The following SGK1 variants were observed in gnomAD, a reference collection of about 807,000 sequenced individuals.
SGK1 encodes serine/threonine-protein kinase Sgk1.
In SGK1, 26 loss-of-function variants were observed where a neutral mutation model predicts 64.2. That is an observed-to-expected ratio of 0.40 (90% confidence interval 0.30 to 0.56). SGK1 has a LOEUF of 0.56. Ranked by LOEUF, SGK1 falls within the 20% of genes least tolerant of loss-of-function variation. SGK1 has a pLI of 0.38. For synonymous variants in SGK1, 265 were observed against 239.7 expected (o/e 1.11, Z -0.98); for missense variants, 519 against 645.6 (o/e 0.80, Z 2.12).
intron 1 of SGK1, among the ~76,000 whole-genome samples, chr6:134,290,580 G>T (rs1269870059): frequency 6.6e-6 from 1 of 152,056 alleles, no homozygotes; most frequent in Non-Finnish European, 1.5e-5. Context: ...AATGAAGAGT[G>T]TAGTTCACAG....
At chr6:134,285,370 C>T (rs991080711) in intron 1 of SGK1, among the ~76,000 whole-genome samples, 1 of 151,160 alleles carries the variant, frequency 6.6e-6, no homozygotes, top group Non-Finnish European at 1.5e-5. Flanking sequence ...CCCAGCTACT[C>T]AGGAGGCTGA....
intron 1 of SGK1, among the ~76,000 whole-genome samples, chr6:134,273,020 A>T (rs1174672758): frequency 6.7e-6 from 1 of 148,310 alleles, no homozygotes; most frequent in Non-Finnish European, 1.5e-5. Flanking sequence ...AGAGGGGCTG[A>T]TACATGAGAC....
intron 1 of SGK1, among the ~76,000 whole-genome samples, chr6:134,295,657 C>T (rs1360713944): frequency 1.3e-5 from 2 of 150,470 alleles, no homozygotes; most frequent in Non-Finnish European, 2.9e-5. Flanking sequence ...GAGCTGAGAT[C>T]GTGCCACTGC....
At chr6:134,175,784 A>C (rs560367595) in intron 3 of SGK1, 3 of 1,337,706 alleles carry the variant, frequency 2.2e-6, no homozygotes, top group Non-Finnish European at 2.9e-6. Context: ...AAACAAACAA[A>C]TGGCCCTTGT....
intron 11 of SGK1, 117 bp from the exon 12 acceptor site, chr6:134,171,295 CCCA>C: frequency 1.0e-6 from 1 of 957,028 alleles, no homozygotes; most frequent in Middle Eastern, 2.2e-4. Flanking sequence ...AGAAACTCTC[CCCA>C]CCTCAATGCT....
intron 9 of SGK1, 142 bp downstream of exon 9, chr6:134,172,515 TAAGTC>T (rs1321880977): frequency 2.3e-5 from 18 of 779,518 alleles, no homozygotes; most frequent in Non-Finnish European, 1.0e-5. Context: ...CCTTGGCACT[TAAGTC>T]AAGCCAGCTC....
intron 1 of SGK1, among the ~76,000 whole-genome samples, chr6:134,274,593 A>G (rs1776991428): frequency 6.6e-6 from 1 of 151,680 alleles, no homozygotes; most frequent in African/African-American, 2.4e-5. Flanking sequence ...CAAAGAAAAT[A>G]CTCATTGGAG....
At chr6:134,294,279 C>G (rs1264814092) in intron 1 of SGK1, among the ~76,000 whole-genome samples, 1 of 152,026 alleles carries the variant, frequency 6.6e-6, no homozygotes, top group Admixed American at 6.6e-5. Context: ...TTTAAGTGTG[C>G]AGTTTGGTCA....
chr6:134,184,607 A>G (rs1167696552), intron 3 of SGK1, among the ~76,000 whole-genome samples: 1 of 151,040 alleles, frequency 6.6e-6, no homozygotes, highest in Non-Finnish European at 1.5e-5. Flanking sequence ...TTATCTGCAT[A>G]TTAGTTTTAT....
intron 2 of SGK1, among the ~76,000 whole-genome samples, chr6:134,233,809 C>CT (rs961526943): frequency 2.2e-3 from 321 of 144,586 alleles, no homozygotes; most frequent in African/African-American, 5.0e-3. Flanking sequence ...GATTCTGATT[C>CT]TTTTTTTTTT....
chr6:134,260,374 A>AACCC (rs1776747019), intron 2 of SGK1: 1 of 113,164 alleles, frequency 8.8e-6, no homozygotes, highest in Non-Finnish European at 1.8e-5. Flanking sequence ...CCCGACCCCC[A>AACCC]CCCCCCCCAA....
At chr6:134,188,842 C>T (rs984094906) in intron 3 of SGK1, among the ~76,000 whole-genome samples, 30 of 151,888 alleles carry the variant, frequency 2.0e-4, no homozygotes, top group Admixed American at 4.6e-4. Flanking sequence ...AAGTCATCCT[C>T]CCACTTCAGC....
intron 2 of SGK1, among the ~76,000 whole-genome samples, chr6:134,210,694 G>A (rs574776016): frequency 7.5e-4 from 113 of 150,804 alleles, no homozygotes; most frequent in Middle Eastern, 3.4e-3. Context: ...CATGGTGGCG[G>A]GCACCTATAA....
chr6:134,219,005 C>CA (rs1349458512), intron 2 of SGK1, among the ~76,000 whole-genome samples: 1 of 150,654 alleles, frequency 6.6e-6, no homozygotes, highest in African/African-American at 2.4e-5. Context: ...GTTTTTGTGA[C>CA]AGAGTCTTGC....
At chr6:134,241,560 G>A (rs1268720579) in intron 2 of SGK1, among the ~76,000 whole-genome samples, 2 of 152,014 alleles carry the variant, frequency 1.3e-5, no homozygotes, top group African/African-American at 4.8e-5. Flanking sequence ...ACACCCAAAT[G>A]CAGGCTCTAC....
At chr6:134,284,503 T>TTTTTA (rs1777148596) in intron 1 of SGK1, among the ~76,000 whole-genome samples, 1 of 151,002 alleles carries the variant, frequency 6.6e-6, no homozygotes, top group Non-Finnish European at 1.5e-5. Flanking sequence ...TTTTTTTTTT[T>TTTTTA]GAGATAGAGT....
At chr6:134,239,066 A>G (rs1776405770) in intron 2 of SGK1, among the ~76,000 whole-genome samples, 1 of 152,246 alleles carries the variant, frequency 6.6e-6, no homozygotes, top group Admixed American at 6.5e-5. Context: ...TAACAGCTGA[A>G]CGCATACTTG....
In SGK1 at chr6:134,215,226, G is replaced by A. The variant is rs1257509457; in HGVS notation, c.286-7795C>T. The stretch of plus-strand genomic sequence containing the variant: ...CGCCTCCTGGGTTCAAGCAATTCTC[G>A]TGCCTCAGCCTCCTGAGTAGCTGGG... On this transcript the variant is annotated intron_variant, in intron 2 of 13. Transcript: ENST00000367858. 6 of 386,448 alleles carry A rather than the reference G, an allele frequency of 1.6e-5. 1 individual carries two copies. Among genetic ancestry groups the A allele is most frequent in the East Asian group, 7.1e-5 (1 of 14,078 alleles). The allele number at this position is 386,448 out of a possible 1,614,324, so 23.9% of individuals were successfully genotyped here.
chr6:134,283,497 A>T (rs900032989), intron 1 of SGK1, among the ~76,000 whole-genome samples: 1 of 151,898 alleles, frequency 6.6e-6, no homozygotes, highest in Non-Finnish European at 1.5e-5. Flanking sequence ...CCTTAAAAAA[A>T]AAACAAACAT....
Sources: gnomAD v4.1 joint callset for allele counts (sites outside exome capture counted in the v4.1 genomes callset) on GRCh38, gnomAD v4.1.1 for gene constraint, MANE v1.5 for transcripts, NCBI Gene and HGNC (gene_info 2026-07-23, HGNC 2026-07-21) for gene names.